Variants in PTBP3 observed in about 807,000 individuals in gnomAD.
PTBP3 encodes polypyrimidine tract-binding protein 3.
In PTBP3, 20 loss-of-function variants were observed where a neutral mutation model predicts 58.7. The observed-to-expected ratio is 0.34, with a 90% CI of 0.24 to 0.50. PTBP3 has a LOEUF of 0.50. Among genes scored for constraint, PTBP3 ranks in the 20% least tolerant of loss-of-function variants. The probability of loss-of-function intolerance (pLI) is 0.98; values close to 1 mark genes in which losing one functional copy is unlikely to be tolerated. For synonymous variants in PTBP3, 185 were observed against 219.8 expected (o/e 0.84, Z 1.40); for missense variants, 509 against 637.2 (o/e 0.80, Z 2.17).
intron 3 of PTBP3, among the ~76,000 whole-genome samples, chr9:112,274,786 A>G (rs1827537530): frequency 6.6e-6 from 1 of 152,214 alleles, no homozygotes. Flanking sequence ...TCACTCATGC[A>G]AAGTAAAGCA....
At chr9:112,267,926 A>G in intron 4 of PTBP3, 123 bp downstream of exon 4, 2 of 875,810 alleles carry the variant, frequency 2.3e-6, no homozygotes, top group Non-Finnish European at 3.2e-6. Context: ...TACATATACA[A>G]TTATGACTAG....
Position 112,223,134 on chromosome 9 carries a change from C to T in PTBP3, c.*717G>A. On this transcript the variant is annotated 3_prime_UTR_variant, in exon 14 of 14. Coordinates refer to ENST00000374257, the MANE Select transcript of PTBP3 (RefSeq NM_001163788.4). ...ATTAGTTATTCTGACATCTTATTAA[C>T]AGATCTTAGTTGAATTCCACTTAAT... is the stretch of plus-strand genomic sequence containing the variant. 1 of 883,946 alleles carries T rather than the reference C, an allele frequency of 1.1e-6. No individual in the cohort carries two copies. Among genetic ancestry groups the T allele is most frequent in the Non-Finnish European group, 1.4e-6 (1 of 737,372 alleles). The allele number at this position is 883,946 out of a possible 1,614,324, so 54.8% of individuals were successfully genotyped here.
intron 2 of PTBP3, among the ~76,000 whole-genome samples, chr9:112,289,255 C>T (rs1027372122): frequency 6.6e-6 from 1 of 152,116 alleles, no homozygotes; most frequent in Non-Finnish European, 1.5e-5. Flanking sequence ...AAAATAGACA[C>T]CATATACCTT....
At chr9:112,275,650 A>G (rs12237589) in intron 3 of PTBP3, among the ~76,000 whole-genome samples, 194 bp downstream of exon 3, 1,788 of 152,302 alleles carry the variant, frequency 0.012, 47 homozygotes, top group East Asian at 0.1. Context: ...AATGGATAAG[A>G]GAAATCCTGT....
intron 10 of PTBP3, among the ~76,000 whole-genome samples, chr9:112,229,006 T>C (rs981799246): frequency 6.6e-6 from 1 of 152,192 alleles, no homozygotes; most frequent in African/African-American, 2.4e-5. Context: ...TACCCTAGTG[T>C]TCCCCAAAGT....
chr9:112,223,617 T>G lies in PTBP3; in HGVS notation c.*234A>C. ...AAAATTTTTTTCCTGATTTTCTTTTTCCTGAAGGTTATTTTTGTAGAAACC... is the reference window on the plus strand; with the variant it reads ...AAAATTTTTTTCCTGATTTTCTTTTGCCTGAAGGTTATTTTTGTAGAAACC... On this transcript the variant is annotated 3_prime_UTR_variant, in exon 14 of 14. Coordinates refer to ENST00000374257, the MANE Select transcript of PTBP3 (RefSeq NM_001163788.4). 1 of 1,231,386 alleles carries G rather than the reference T, an allele frequency of 8.1e-7. No individual in the cohort carries two copies. The highest frequency in any genetic ancestry group is 1.0e-6 in the Non-Finnish European group (1 of 977,556). 76.3% of individuals were successfully genotyped at this position (1,231,386 alleles called of 1,614,324 possible). A position where few individuals can be genotyped will look rare whatever the true frequency, so the allele number is the denominator to read the frequency against.
chr9:112,252,542 C>T, intron 6 of PTBP3, 136 bp downstream of exon 6: 1 of 637,400 alleles, frequency 1.6e-6, no homozygotes, highest in Non-Finnish European at 2.7e-6. Flanking sequence ...TGGAATCATA[C>T]ACTTTAAAAC....
intron 5 of PTBP3, among the ~76,000 whole-genome samples, chr9:112,253,863 T>A (rs1836237514): frequency 6.6e-6 from 1 of 152,150 alleles, no homozygotes; most frequent in South Asian, 2.1e-4. Context: ...GAACTGTGAG[T>A]CAATTAAACC....
intron 1 of PTBP3, among the ~76,000 whole-genome samples, chr9:112,330,813 C>CT (rs1830339281): frequency 6.6e-6 from 1 of 152,138 alleles, no homozygotes; most frequent in South Asian, 2.1e-4. Context: ...AAAGTTTGTT[C>CT]TTTTAAGTCA....
At chr9:112,337,229 TG>T (rs1488016501), upstream of PTBP3, among the ~76,000 whole-genome samples, 1 of 152,144 alleles carries the variant, frequency 6.6e-6, no homozygotes, top group East Asian at 1.9e-4. Flanking sequence ...GGGGTTTCAC[TG>T]TGTTGGCCAG....
At chr9:112,270,271 A>G (rs1385620406) in intron 3 of PTBP3, among the ~76,000 whole-genome samples, 2 of 152,074 alleles carry the variant, frequency 1.3e-5, no homozygotes, top group Non-Finnish European at 2.9e-5. Flanking sequence ...TCCAATTAAC[A>G]CCCATGTTAC....
In PTBP3 at chr9:112,287,334, G is replaced by GTTTTTTTTTTTTTTTTTTTTTTTTTT. The variant is rs34426952; in HGVS notation, c.34+10497_34+10498insAAAAAAAAAAAAAAAAAAAAAAAAAA. Among the ~76,000 whole-genome samples the GTTTTTTTTTTTTTTTTTTTTTTTTTT allele has an allele frequency of 2.1e-5, 2 of 96,080 alleles. 1 individual carries two copies. The highest frequency in any genetic ancestry group is 3.8e-5 in the Non-Finnish European group (2 of 52,590). 63.0% of individuals were successfully genotyped at this position (96,080 alleles called of 152,430 possible). A position where few individuals can be genotyped will look rare whatever the true frequency, so the allele number is the denominator to read the frequency against. On this transcript the variant is annotated intron_variant, in intron 2 of 13. Transcript: ENST00000374257. Reference sequence around the variant, plus strand: ...TAAGGCTCTGTTCACTTCTTTTTCAGTTTTTTGTTTTTTTTTTTTTTTTGA... The same window carrying GTTTTTTTTTTTTTTTTTTTTTTTTTT: ...TAAGGCTCTGTTCACTTCTTTTTCAGTTTTTTTTTTTTTTTTTTTTTTTTTTTTTTTTGTTTTTTTTTTTTTTTTGA...
At chr9:112,342,961 G>A in the PTBP3 span, among the ~76,000 whole-genome samples, 107 of 152,212 alleles carry the variant, frequency 7.0e-4, no homozygotes, top group African/African-American at 2.5e-3. Context: ...CTGAGTAGCT[G>A]GGACTACAGG....
chr9:112,317,134 C>T (rs889400278), intron 1 of PTBP3, among the ~76,000 whole-genome samples: 2 of 151,416 alleles, frequency 1.3e-5, no homozygotes, highest in Non-Finnish European at 2.9e-5. Flanking sequence ...GTTTTTAAAA[C>T]ATTAGCTGGG....
chr9:112,311,751 G>A (rs1472592953), intron 1 of PTBP3, among the ~76,000 whole-genome samples: 2 of 152,094 alleles, frequency 1.3e-5, no homozygotes, highest in African/African-American at 2.4e-5. Context: ...TCTGAGACCA[G>A]CCTGGACAAG....
chr9:112,251,816 T>C (rs964800749), intron 6 of PTBP3, among the ~76,000 whole-genome samples: 2 of 152,096 alleles, frequency 1.3e-5, no homozygotes, highest in Non-Finnish European at 2.9e-5. Flanking sequence ...ATATATATCC[T>C]GATTTATAAT....
intron 7 of PTBP3, among the ~76,000 whole-genome samples, chr9:112,237,565 A>G (rs1448356458): frequency 6.6e-6 from 1 of 152,226 alleles, no homozygotes; most frequent in Non-Finnish European, 1.5e-5. Context: ...TTACTGCAGA[A>G]AAACGCTCAA....
intron 5 of PTBP3, among the ~76,000 whole-genome samples, chr9:112,253,539 A>G (rs1224485056): frequency 6.6e-6 from 1 of 152,098 alleles, no homozygotes. Flanking sequence ...AGGACTAAAT[A>G]GGGGGGATAA....
chr9:112,290,974 C>T (rs374408279), intron 2 of PTBP3, among the ~76,000 whole-genome samples: 3 of 152,188 alleles, frequency 2.0e-5, no homozygotes, highest in African/African-American at 7.2e-5. Context: ...ATAATCCCAG[C>T]ACCTTGGGAG....
Sources: allele counts gnomAD v4.1 joint callset (sites outside exome capture counted in the v4.1 genomes callset), GRCh38; gene constraint gnomAD v4.1.1; transcripts MANE v1.5; gene names NCBI Gene and HGNC (gene_info 2026-07-23, HGNC 2026-07-21).